Variants in ARL2 observed in about 807,000 individuals in gnomAD.
ARL2 encodes the protein ARF like GTPase 2.
A neutral mutation model predicts 22.0 loss-of-function variants in ARL2; 11 were observed. That is an observed-to-expected ratio of 0.50 (90% CI 0.31 to 0.83). The LOEUF (loss-of-function observed/expected upper bound fraction) is 0.83. Among genes scored for constraint, ARL2 ranks in the 40% least tolerant of loss-of-function variants. The pLI is 0.04. For missense variants in ARL2, 216 were observed against 243.2 expected, an observed-to-expected ratio of 0.89 and a Z score of 0.74; for synonymous variants, 111 against 100.8, an observed-to-expected ratio of 1.10 and a Z score of -0.61.
Position 65,018,357 on chromosome 11 carries a change from G to A in ARL2, c.66-7G>A, listed in dbSNP as rs547038303. 610 of 1,592,218 alleles carry A rather than the reference G, an allele frequency of 3.8e-4. 10 individuals are homozygous for A. In the South Asian group the frequency reaches 6.4e-3, roughly 17 times the overall value. On this transcript the variant is annotated splice_region_variant and splice_polypyrimidine_tract_variant and intron_variant, in intron 1 of 4. Transcript: ENST00000246747. This position sits in a 1 kb window ranked among gnomAD's most constrained non-coding sequence, Gnocchi z 4.2. ...CAGGGACTTCTCCTTAACCTGCTGC[G>A]CCCCAGTGGCCTGGACAATGCTGGA...
chr11:65,015,606 A>T (rs887377790), intron 1 of ARL2, among the ~76,000 whole-genome samples: 2 of 152,116 alleles, frequency 1.3e-5, no homozygotes, highest in Non-Finnish European at 2.9e-5. Context: ...TAGAAAGATG[A>T]TAACACAGGA....
At chr11:65,021,525 G>T in intron 4 of ARL2, 196 bp from the exon 5 acceptor site, 2 of 610,644 alleles carry the variant, frequency 3.3e-6, no homozygotes, top group South Asian at 4.3e-5. Context: ...CACTGGCATG[G>T]AACTGGACAG....
rs747772006 is a variant in ARL2 at position 65,018,340 on chromosome 11, TCTC to T, written c.66-21_66-19del. ...CACCACCTGGCAGAGAACAGGGACTTCTCCTTAACCTGCTGCGCCCCAGTGGCC... is the reference window on the plus strand; with the variant it reads ...CACCACCTGGCAGAGAACAGGGACTTCTTAACCTGCTGCGCCCCAGTGGCC... On this transcript the variant is annotated intron_variant, in intron 1 of 4. Coordinates refer to ENST00000246747, the MANE Select transcript of ARL2 (RefSeq NM_001667.4). The surrounding 1 kb of genome is among the most constrained non-coding windows in gnomAD (Gnocchi z 4.2). The T allele has an allele frequency of 2.5e-6, 4 of 1,571,314 alleles. No individual in the cohort carries two copies. The highest frequency in any genetic ancestry group is 1.9e-5 in the Admixed American group (1 of 52,936).
chr11:65,021,666 G>A (rs1946328945), intron 4 of ARL2, 55 bp from the exon 5 acceptor site: 33 of 1,538,660 alleles, frequency 2.1e-5, no homozygotes, highest in African/African-American at 2.7e-5. Flanking sequence ...AGGGGCTGAC[G>A]GCAGGCAGGG....
At chr11:65,020,578 A>T in intron 4 of ARL2, 79 bp downstream of exon 4, 1 of 1,419,090 alleles carries the variant, frequency 7.0e-7, no homozygotes, top group Admixed American at 2.3e-5. Context: ...TATTAAAAAT[A>T]ACCAAAAAGG....
Position 65,014,173 on chromosome 11 carries a change from G to T in ARL2, c.-35G>T. On this transcript the variant is annotated 5_prime_UTR_variant, in exon 1 of 5. Transcript: ENST00000246747. ...ACCGGGAGCGGGGTCCCGGGACTGG[G>T]AAGAAACGGCGGCCGGGAGGGGGCT... 6.5e-7 allele frequency: 1 copy of T among 1,529,230 alleles called. No individual in the cohort carries two copies. The highest frequency in any genetic ancestry group is 8.8e-7 in the Non-Finnish European group (1 of 1,137,050). The allele number at this position is 1,529,230 out of a possible 1,614,324, so 94.7% of individuals were successfully genotyped here.
chr11:65,018,939 TCA>T lies in ARL2; in HGVS notation c.339+208_339+209del. 6.6e-7 allele frequency: 1 copy of T among 1,523,394 alleles called. No individual in the cohort carries two copies. The highest frequency in any genetic ancestry group is 1.4e-5 in the African/African-American group (1 of 72,922). The allele number at this position is 1,523,394 out of a possible 1,614,324, so 94.4% of individuals were successfully genotyped here. A position where few individuals can be genotyped will look rare whatever the true frequency, so the allele number is the denominator to read the frequency against. On this transcript the variant is annotated intron_variant, in intron 3 of 4. Coordinates refer to ENST00000246747, the MANE Select transcript of ARL2 (RefSeq NM_001667.4). This position sits in a 1 kb window ranked among gnomAD's most constrained non-coding sequence, Gnocchi z 4.2. The stretch of plus-strand genomic sequence containing the variant: ...TTAACGTCCCTGTGGTGTTACTACG[TCA>T]CTACCCTGAGCATCAGTTTCTATGC...
In ARL2 at chr11:65,018,963, A is replaced by G. The variant is rs1055164577; in HGVS notation, c.339+230A>G. 10 of 1,492,052 alleles carry G rather than the reference A, an allele frequency of 6.7e-6. No homozygotes were observed. Among genetic ancestry groups the G allele is most frequent in the Non-Finnish European group, 6.3e-6 (7 of 1,118,326 alleles). 92.4% of individuals were successfully genotyped at this position (1,492,052 alleles called of 1,614,324 possible). A position where few individuals can be genotyped will look rare whatever the true frequency, so the allele number is the denominator to read the frequency against. On this transcript the variant is annotated intron_variant, in intron 3 of 4. Coordinates refer to ENST00000246747, the MANE Select transcript of ARL2 (RefSeq NM_001667.4). This position sits in a 1 kb window ranked among gnomAD's most constrained non-coding sequence, Gnocchi z 4.2. ...GTCACTACCCTGAGCATCAGTTTCT[A>G]TGCCTTGAAATGGTGATGATGACAC...
At position 65,021,922 on chromosome 11, in the gene ARL2, G is replaced by A; in HGVS notation, c.*67G>A. 1 of 1,563,674 alleles carries A rather than the reference G, an allele frequency of 6.4e-7. No homozygotes were observed. The highest frequency in any genetic ancestry group is 1.7e-5 in the Admixed American group (1 of 58,054). On this transcript the variant is annotated 3_prime_UTR_variant, in exon 5 of 5. Transcript: ENST00000246747. ...ACCTTCACCAAACACTACCCATGGG[G>A]GGTTGGGAGTCAGCCGGCCAAACTA...
At chr11:65,015,220 TCTC>T (rs1292023824) in intron 1 of ARL2, among the ~76,000 whole-genome samples, 1 of 151,892 alleles carries the variant, frequency 6.6e-6, no homozygotes, top group Admixed American at 6.6e-5. Context: ...TTCAAGCAAT[TCTC>T]CTGCCTCAGC....
chr11:65,021,919 G>T lies in ARL2; in HGVS notation c.*64G>T, dbSNP rs969899509. On this transcript the variant is annotated 3_prime_UTR_variant, in exon 5 of 5. Coordinates refer to ENST00000246747, the MANE Select transcript of ARL2 (RefSeq NM_001667.4). ...TCAACCTTCACCAAACACTACCCAT[G>T]GGGGGTTGGGAGTCAGCCGGCCAAA... The T allele has an allele frequency of 3.2e-6, 5 of 1,568,016 alleles. No homozygotes were observed. Among genetic ancestry groups the T allele is most frequent in the East Asian group, 2.3e-5 (1 of 44,128 alleles).
chr11:65,014,795 G>A (rs1387287866), intron 1 of ARL2, among the ~76,000 whole-genome samples: 1 of 152,222 alleles, frequency 6.6e-6, no homozygotes, highest in Non-Finnish European at 1.5e-5. Flanking sequence ...GTGTGTGTGT[G>A]GGCCCGAGTG....
Position 65,021,436 on chromosome 11 carries a change from G to T in ARL2, c.421-285G>T, listed in dbSNP as rs752382328. The T allele has an allele frequency of 8.0e-6, 3 of 374,846 alleles. No homozygotes were observed. The East Asian group carries it at 1.2e-4, about 15-fold the overall frequency. 23.2% of individuals were successfully genotyped at this position (374,846 alleles called of 1,614,324 possible). On this transcript the variant is annotated intron_variant, in intron 4 of 4. Transcript: ENST00000246747. The stretch of plus-strand genomic sequence containing the variant: ...TTGAGGAGAATGAGTGAGAGAGGGT[G>T]TGTGGGGCTCCTAGCACGATGCCCG...
rs776046018 is a variant in ARL2 at position 65,014,231 on chromosome 11, G to C, written c.24G>C (p.Lys8Asn). 1.3e-6 allele frequency: 2 copies of C among 1,574,768 alleles called. No individual in the cohort carries two copies. Among genetic ancestry groups the C allele is most frequent in the East Asian group, 2.6e-5 (1 of 39,168 alleles). The change falls in exon 1 of 5, where the codon AAG becomes AAC. Residue 8 changes from lysine to asparagine, a missense_variant. Coordinates refer to ENST00000246747, the MANE Select transcript of ARL2 (RefSeq NM_001667.4). MGLLTIL[K>N]KMKQKERELR... ...CCATGGGGCTCCTGACCATTCTGAAGAAGATGAAGCAGAAAGAGCGGGAGC... is the reference window on the plus strand; with the variant it reads ...CCATGGGGCTCCTGACCATTCTGAACAAGATGAAGCAGAAAGAGCGGGAGC...
intron 3 of ARL2, chr11:65,019,098 G>A (rs1018458277): frequency 6.3e-6 from 3 of 474,042 alleles, no homozygotes; most frequent in African/African-American, 2.0e-5. Context: ...TCAGCTGGGG[G>A]TGGTGGCACG....
chr11:65,014,325 C>A, intron 1 of ARL2, 53 bp downstream of exon 1: 2 of 1,447,298 alleles, frequency 1.4e-6, no homozygotes, highest in East Asian at 5.9e-5. Flanking sequence ...GCCGGGCAGG[C>A]GGTGCCGGGC....
Position 65,014,204 on chromosome 11 carries a change from G to T in ARL2, c.-4G>T. On this transcript the variant is annotated 5_prime_UTR_variant, in exon 1 of 5. Coordinates refer to ENST00000246747, the MANE Select transcript of ARL2 (RefSeq NM_001667.4). ...ACGGCGGCCGGGAGGGGGCTCCGGG[G>T]ACCATGGGGCTCCTGACCATTCTGA... is the stretch of plus-strand genomic sequence containing the variant. The T allele has an allele frequency of 4.5e-6, 7 of 1,568,452 alleles. No homozygotes were observed. The East Asian group carries it at 1.5e-4, about 35-fold the overall frequency.
intron 1 of ARL2, among the ~76,000 whole-genome samples, chr11:65,015,675 C>A (rs1478065084): frequency 6.6e-6 from 1 of 152,036 alleles, no homozygotes. Context: ...AACCCTAGCA[C>A]TTTGGGAGGC....
intron 1 of ARL2, among the ~76,000 whole-genome samples, chr11:65,017,538 C>T (rs1317676976): frequency 6.6e-6 from 1 of 152,146 alleles, no homozygotes; most frequent in Non-Finnish European, 1.5e-5. Context: ...GCAAGCTCAT[C>T]AGCCAGTGGG....
Sources: gnomAD v4.1 joint callset for allele counts (sites outside exome capture counted in the v4.1 genomes callset) on GRCh38, gnomAD v4.1.1 for gene constraint, Gnocchi (gnomAD v3.1) non-coding constraint, MANE v1.5 for transcripts, NCBI Gene and HGNC (gene_info 2026-07-23, HGNC 2026-07-21) for gene names.